The following EPHX1 variants were observed in gnomAD, a reference collection of about 807,000 sequenced individuals.
EPHX1 encodes epoxide hydrolase 1, also known as epoxide hydratase.
EPHX1 carries 40 observed loss-of-function variants against 43.2 expected under a neutral mutation model. The ratio of observed to expected loss-of-function variants is 0.93; its 90% confidence interval spans 0.72 to 1.21. The LOEUF (loss-of-function observed/expected upper bound fraction) is 1.21. EPHX1 is among the 50% of genes most tolerant of loss of function. The probability of loss-of-function intolerance (pLI) is 0.00; values close to 1 mark genes in which losing one functional copy is unlikely to be tolerated. For missense variants in EPHX1, 550 were observed against 570.4 expected, an observed-to-expected ratio of 0.96 and a Z score of 0.36; for synonymous variants, 221 against 226.7, an observed-to-expected ratio of 0.98 and a Z score of 0.22.
rs1191308437 is a variant in EPHX1 at position 225,844,596 on chromosome 1, A to G, written c.1139A>G (p.Gln380Arg). 1 of 1,614,030 alleles carries G rather than the reference A, an allele frequency of 6.2e-7. No individual in the cohort carries two copies. The highest frequency in any genetic ancestry group is 8.5e-7 in the Non-Finnish European group (1 of 1,180,016). Reference protein sequence around the residue: ...SQRFYKENLGQGWMTQKHERM... With the variant: ...SQRFYKENLGRGWMTQKHERM... ...CGCTTCTACAAGGAGAACCTGGGAC[A>G]GGGCTGGATGACCCAGAAGCATGAG... Residue 380 changes from glutamine (Q) to arginine (R), a missense_variant, in exon 8 of 9, where the codon CAG becomes CGG. Transcript: ENST00000272167.
chr1:225,845,067 G>A, intron 8 of EPHX1, 79 bp from the exon 9 acceptor site: 1 of 1,486,760 alleles, frequency 6.7e-7, no homozygotes, highest in Non-Finnish European at 9.4e-7. Context: ...TCACCCCCAG[G>A]CGCTTTAACC....
intron 2 of EPHX1, 141 bp from the exon 3 acceptor site, chr1:225,831,638 T>G: frequency 2.7e-6 from 2 of 750,464 alleles, no homozygotes. Context: ...GAGTAGCCAG[T>G]GATGTGGGAA....
At chr1:225,820,921 G>A (rs1057431642) in intron 1 of EPHX1, among the ~76,000 whole-genome samples, 5 of 152,182 alleles carry the variant, frequency 3.3e-5, no homozygotes, top group Non-Finnish European at 7.4e-5. Flanking sequence ...TAGTCCTGGT[G>A]CCTGCACAGT....
chr1:225,839,801 T>C (rs1194747410), intron 5 of EPHX1, 28 bp from the exon 6 acceptor site: 2 of 1,610,918 alleles, frequency 1.2e-6, no homozygotes, highest in Middle Eastern at 2.0e-4. Flanking sequence ...CAGCCCAGCC[T>C]CACCCCGGCC....
chr1:225,830,884 A>T (rs967490660), intron 2 of EPHX1, among the ~76,000 whole-genome samples: 3 of 152,218 alleles, frequency 2.0e-5, no homozygotes, highest in Non-Finnish European at 4.4e-5. Context: ...CACAGCGCCC[A>T]TGCCAAGAAT....
chr1:225,828,120 C>T (rs1331205306), intron 1 of EPHX1, among the ~76,000 whole-genome samples: 2 of 152,184 alleles, frequency 1.3e-5, no homozygotes, highest in East Asian at 3.9e-4. Context: ...CCGAGGCGGG[C>T]GGATCACGAG....
At chr1:225,818,399 G>A (rs1479334241) in intron 1 of EPHX1, among the ~76,000 whole-genome samples, 1 of 152,158 alleles carries the variant, frequency 6.6e-6, no homozygotes, top group Non-Finnish European at 1.5e-5. Flanking sequence ...GCTCGACGAA[G>A]GCTAGGACTG....
At chr1:225,842,251 G>A (rs1440911440) in intron 6 of EPHX1, 115 bp from the exon 7 acceptor site, 12 of 796,258 alleles carry the variant, frequency 1.5e-5, no homozygotes, top group South Asian at 2.8e-5. Context: ...GTGCTCGAAC[G>A]TGGCTTCCTG....
Position 225,822,351 on chromosome 1 carries a change from G to T in EPHX1, c.-5-6374G>T, listed in dbSNP as rs76717882. ...GAAAAAAATGATTTCATTCTGAAAG[G>T]CTTCCCCTCCAACCCCCTCCTGCAC... On this transcript the variant is annotated intron_variant, in intron 1 of 8. Transcript: ENST00000272167. Among the ~76,000 whole-genome samples the T allele has an allele frequency of 2.2e-3, 338 of 152,270 alleles. 13 individuals are homozygous for T. In the East Asian group the frequency reaches 0.046, roughly 21 times the overall value.
At chr1:225,816,313 A>G (rs1276746763) in intron 1 of EPHX1, among the ~76,000 whole-genome samples, 1 of 151,888 alleles carries the variant, frequency 6.6e-6, no homozygotes, top group Non-Finnish European at 1.5e-5. Flanking sequence ...AGAAAAAACA[A>G]GTTATTCTAA....
At chr1:225,832,842 T>C (rs1667690165) in intron 3 of EPHX1, among the ~76,000 whole-genome samples, 1 of 152,268 alleles carries the variant, frequency 6.6e-6, no homozygotes, top group Non-Finnish European at 1.5e-5. Flanking sequence ...ATTGGATTCT[T>C]TGTAATTTCT....
At chr1:225,829,802 C>T (rs1310282208) in intron 2 of EPHX1, among the ~76,000 whole-genome samples, 9 of 152,234 alleles carry the variant, frequency 5.9e-5, no homozygotes, top group South Asian at 2.1e-4. Flanking sequence ...AGGCTAGGTG[C>T]GGTGGCTCAC....
At chr1:225,822,992 A>T (rs966098619) in intron 1 of EPHX1, among the ~76,000 whole-genome samples, 1 of 152,138 alleles carries the variant, frequency 6.6e-6, no homozygotes, top group African/African-American at 2.4e-5. Context: ...CAAGGCAGAG[A>T]TGCTCCACGG....
intron 1 of EPHX1, among the ~76,000 whole-genome samples, chr1:225,827,373 G>A (rs964140469): frequency 2.6e-5 from 4 of 152,168 alleles, no homozygotes; most frequent in Non-Finnish European, 2.9e-5. Flanking sequence ...GCATAAGGAC[G>A]GCCCGCATAT....
rs768481152 is a variant in EPHX1, at chr1:225,839,955, C to T, written c.849C>T (p.Tyr283=). The change falls in exon 6 of 9, where the codon TAC becomes TAT. Residue 283 remains tyrosine (Y), a synonymous_variant. Coordinates refer to ENST00000272167, the MANE Select transcript of EPHX1 (RefSeq NM_001136018.4). ...GLTERDVELL[Y]PVKEKVFYSL... ...CTGAGAGGGATGTGGAGCTGCTGTA[C>T]CCCGTCAAGGAGAAGGTATTCTACA... 1 of 1,614,232 alleles carries T rather than the reference C, an allele frequency of 6.2e-7. No homozygotes were observed. Among genetic ancestry groups the T allele is most frequent in the South Asian group, 1.1e-5 (1 of 91,088 alleles).
rs2292567 is a variant in EPHX1, at chr1:225,838,915, G to A, written c.592+34G>A. 160,804 of 1,602,372 alleles carry A rather than the reference G, an allele frequency of 0.1. 8,778 individuals carry two copies. Among genetic ancestry groups the A allele is most frequent in the Middle Eastern group, 0.16 (955 of 6,038 alleles). On this transcript the variant is annotated intron_variant, in intron 4 of 8. Coordinates refer to ENST00000272167, the MANE Select transcript of EPHX1 (RefSeq NM_001136018.4). ...CTGCTAGAGGTTCCATAACTGCCCC[G>A]TCCTCGCCAAGGGTGGGCCCGGTGT...
At chr1:225,822,230 C>CT (rs1389068363) in intron 1 of EPHX1, among the ~76,000 whole-genome samples, 8 of 152,044 alleles carry the variant, frequency 5.3e-5, no homozygotes, top group Non-Finnish European at 1.2e-4. Flanking sequence ...CTTCCAGTCA[C>CT]GTTTTTAAAA....
Position 225,831,499 on chromosome 1 carries a change from A to G in EPHX1, c.184-280A>G, listed in dbSNP as rs551753689. ...GAGGTGGGGGTTGCAGTGGGCCGAG[A>G]TCACGCCACTGCCCTCCAGCCTGGG... On this transcript the variant is annotated intron_variant, in intron 2 of 8. Transcript: ENST00000272167. 1.3e-3 allele frequency among the ~76,000 whole-genome samples: 191 copies of G among 151,856 alleles called. 1 individual carries two copies. Among genetic ancestry groups the G allele is most frequent in the African/African-American group, 4.4e-3 (183 of 41,384 alleles).
intron 3 of EPHX1, among the ~76,000 whole-genome samples, chr1:225,834,354 G>A (rs1024924165): frequency 3.3e-5 from 5 of 149,292 alleles, no homozygotes; most frequent in Admixed American, 1.3e-4. Context: ...GCAGTGAGCC[G>A]AGATCGCGCC....
Sources: gnomAD v4.1 joint callset for allele counts (sites outside exome capture counted in the v4.1 genomes callset) on GRCh38, gnomAD v4.1.1 for gene constraint, MANE v1.5 for transcripts, NCBI Gene and HGNC (gene_info 2026-07-23, HGNC 2026-07-21) for gene names.